MED12L: variants seen among roughly 807,000 people sequenced by gnomAD.
The protein encoded by MED12L is mediator complex subunit 12L, also known as mediator of RNA polymerase II transcription subunit 12-like protein.
MED12L carries 60 observed loss-of-function variants against 281.3 expected under a neutral mutation model. The ratio of observed to expected loss-of-function variants is 0.21; its 90% CI spans 0.17 to 0.26. The LOEUF (loss-of-function observed/expected upper bound fraction) is 0.26. Ranked by LOEUF, MED12L falls within the 10% of genes least tolerant of loss-of-function variation. The probability of loss-of-function intolerance (pLI) is 1.00; values close to 1 mark genes in which losing one functional copy is unlikely to be tolerated. For missense variants in MED12L, 2,146 were observed against 2,680.9 expected (o/e 0.80, Z 4.41); for synonymous variants, 974 against 987.2 (o/e 0.99, Z 0.25).
chr3:151,378,867 G>T (rs2108092933), intron 31 of MED12L, among the ~76,000 whole-genome samples: 1 of 152,250 alleles, frequency 6.6e-6, no homozygotes, highest in East Asian at 1.9e-4. Context: ...TTTATTGACT[G>T]CTTACAGAAT....
At chr3:151,272,041 C>G (rs1026698475) in intron 16 of MED12L, among the ~76,000 whole-genome samples, 6 of 152,198 alleles carry the variant, frequency 3.9e-5, no homozygotes, top group Non-Finnish European at 7.3e-5. Flanking sequence ...ACAAAACTTG[C>G]TCTTGAAGCA....
chr3:151,199,322 T>TA (rs913975629), intron 16 of MED12L: 16 of 1,612,030 alleles, frequency 9.9e-6, no homozygotes, highest in East Asian at 2.2e-5. Flanking sequence ...GAAAACTAAA[T>TA]AAAAAAAATA....
intron 4 of MED12L, among the ~76,000 whole-genome samples, chr3:151,124,924 T>G (rs1400871613): frequency 6.6e-6 from 1 of 152,210 alleles, no homozygotes; most frequent in African/African-American, 2.4e-5. Context: ...AATTTTCTTT[T>G]GCCTTTACCC....
intron 37 of MED12L, 99 bp downstream of exon 37, chr3:151,388,271 A>G (rs1405624158): frequency 6.9e-7 from 1 of 1,446,132 alleles, no homozygotes; most frequent in Admixed American, 2.3e-5. Context: ...CAAGAGCAGG[A>G]TAAGTTTTGT....
Position 151,388,235 on chromosome 3 carries a change from C to G in MED12L, c.5451+63C>G, listed in dbSNP as rs372389879. ...CATTTAGTATGAGATTTACTCGTGC[C>G]CAAATCATATCCCTCGAAACATTAC... On this transcript the variant is annotated intron_variant, in intron 37 of 44. Transcript: ENST00000687756. The G allele has an allele frequency of 2.4e-5, 36 of 1,514,988 alleles. 2 individuals carry two copies. In the Admixed American group the frequency reaches 3.1e-4, roughly 13 times the overall value. The allele number at this position is 1,514,988 out of a possible 1,614,324, so 93.8% of individuals were successfully genotyped here. A position where few individuals can be genotyped will look rare whatever the true frequency, so the allele number is the denominator to read the frequency against.
At position 151,190,533 on chromosome 3, in the gene MED12L, G is replaced by C. The variant is rs187619250; in HGVS notation, c.1754-184G>C. 3.7e-4 allele frequency among the ~76,000 whole-genome samples: 57 copies of C among 152,290 alleles called. No homozygotes were observed. The East Asian group carries it at 9.6e-3, about 26-fold the overall frequency. ...ATACTGGATATTTTTCAGTTATGGTGGGACAATCAAAACCTGCCTGTCAGT... is the reference window on the plus strand; with the variant it reads ...ATACTGGATATTTTTCAGTTATGGTCGGACAATCAAAACCTGCCTGTCAGT... On this transcript the variant is annotated intron_variant, in intron 13 of 44. Coordinates refer to ENST00000687756, the MANE Select transcript of MED12L (RefSeq NM_001393769.1).
At chr3:151,155,260 C>T (rs1719123213) in intron 5 of MED12L, among the ~76,000 whole-genome samples, 1 of 152,158 alleles carries the variant, frequency 6.6e-6, no homozygotes, top group Non-Finnish European at 1.5e-5. Context: ...TGGCTGTGAG[C>T]ATGCAATTAT....
intron 5 of MED12L, among the ~76,000 whole-genome samples, chr3:151,148,548 G>T (rs574281524): frequency 3.0e-4 from 45 of 152,156 alleles, no homozygotes; most frequent in Non-Finnish European, 4.9e-4. Flanking sequence ...TCAGAAGGGG[G>T]TATTATTGTA....
At position 151,355,872 on chromosome 3, in the gene MED12L, A is replaced by G. The variant is rs200935232; in HGVS notation, c.2518-24A>G. ...GATTATTTAGAATATTGGTCTTACA[A>G]TATTTTTGTTTTTATTTGCACAGAT... On this transcript the variant is annotated intron_variant, in intron 18 of 44. Coordinates refer to ENST00000687756, the MANE Select transcript of MED12L (RefSeq NM_001393769.1). The G allele has an allele frequency of 2.2e-3, 3,580 of 1,591,302 alleles. 4 individuals carry two copies. Among genetic ancestry groups the G allele is most frequent in the Non-Finnish European group, 2.8e-3 (3,262 of 1,169,556 alleles).
chr3:151,342,052 CT>C (rs1458571467), intron 16 of MED12L, among the ~76,000 whole-genome samples: 2 of 152,138 alleles, frequency 1.3e-5, no homozygotes, highest in African/African-American at 4.8e-5. Context: ...GTGCATGTGT[CT>C]TTATAGCAGC....
Position 151,355,984 on chromosome 3 carries a change from T to G in MED12L, c.2606T>G (p.Phe869Cys). ...TTGGCTCACCACATTCAGCTCATCT[T>G]TGATCTCATGGAGCCAGCACTGAAC... ...LPLAHHIQLIFDLMEPALNIN... is the reference protein window; with the variant it reads ...LPLAHHIQLICDLMEPALNIN... Residue 869 changes from phenylalanine to cysteine, a missense_variant, in exon 19 of 45, where the codon TTT (phenylalanine) becomes TGT (cysteine). Physicochemically the swap from Phe to Cys is radical, Grantham distance 205. Transcript: ENST00000687756. 1 of 1,614,154 alleles carries G rather than the reference T, an allele frequency of 6.2e-7. No homozygotes were observed. Among genetic ancestry groups the G allele is most frequent in the Non-Finnish European group, 8.5e-7 (1 of 1,180,008 alleles).
chr3:151,195,089 A>G (rs1004691771), intron 16 of MED12L, among the ~76,000 whole-genome samples: 11 of 150,954 alleles, frequency 7.3e-5, no homozygotes, highest in African/African-American at 2.4e-4. Context: ...CGTGAACCCC[A>G]GAGGTGGACC....
chr3:151,112,138 G>A (rs1711995883), intron 2 of MED12L, among the ~76,000 whole-genome samples: 1 of 152,112 alleles, frequency 6.6e-6, no homozygotes, highest in Non-Finnish European at 1.5e-5. Flanking sequence ...TAGCAAGAGT[G>A]TATCACAGTT....
intron 16 of MED12L, among the ~76,000 whole-genome samples, chr3:151,312,035 C>T (rs1469980701): frequency 1.2e-5 from 1 of 82,796 alleles, no homozygotes; most frequent in Non-Finnish European, 2.3e-5. Context: ...AAGCGAGACT[C>T]CGTCTCAAAA....
chr3:151,199,393 G>A, intron 16 of MED12L: 1 of 1,592,798 alleles, frequency 6.3e-7, no homozygotes, highest in Non-Finnish European at 8.5e-7. Flanking sequence ...TCATCTTGAG[G>A]GAAAGTAAGG....
At chr3:151,319,468 C>CGCGT (rs1553777795) in intron 16 of MED12L, among the ~76,000 whole-genome samples, 3 of 145,656 alleles carry the variant, frequency 2.1e-5, no homozygotes, top group African/African-American at 5.1e-5. Flanking sequence ...TGTGTGTGTG[C>CGCGT]GTGTGTGTGT....
At chr3:151,197,550 G>A (rs1182034613) in intron 16 of MED12L, among the ~76,000 whole-genome samples, 1 of 152,124 alleles carries the variant, frequency 6.6e-6, no homozygotes, top group African/African-American at 2.4e-5. Flanking sequence ...TTCCTAACAC[G>A]GCCTTGCTAT....
At position 151,432,848 on chromosome 3, in the gene MED12L, A is replaced by C. The variant is rs1393007066; in HGVS notation, c.*44A>C. The C allele has an allele frequency of 6.6e-7, 1 of 1,505,588 alleles. No homozygotes were observed. Among genetic ancestry groups the C allele is most frequent in the Non-Finnish European group, 9.1e-7 (1 of 1,094,228 alleles). The allele number at this position is 1,505,588 out of a possible 1,614,324, so 93.3% of individuals were successfully genotyped here. A position where few individuals can be genotyped will look rare whatever the true frequency, so the allele number is the denominator to read the frequency against. On this transcript the variant is annotated 3_prime_UTR_variant, in exon 45 of 45. Transcript: ENST00000687756. ...CATGACGTTTTATGTTTGCACTGAA[A>C]AACAGAAAATCAAATTTAATGCATT...
intron 16 of MED12L, among the ~76,000 whole-genome samples, chr3:151,270,601 T>C (rs1740764560): frequency 6.6e-6 from 1 of 152,176 alleles, no homozygotes; most frequent in Non-Finnish European, 1.5e-5. Flanking sequence ...TGCCAACATG[T>C]ATCTGTCTAC....
Sources: allele counts gnomAD v4.1 joint callset (sites outside exome capture counted in the v4.1 genomes callset), GRCh38; gene constraint gnomAD v4.1.1; transcripts MANE v1.5; gene names NCBI Gene and HGNC (gene_info 2026-07-23, HGNC 2026-07-21).